Variants in OBI1 observed in about 807,000 individuals in gnomAD.
The protein encoded by OBI1 is ORC ubiquitin ligase 1, also known as ring finger protein 219.
Under a neutral mutation model 62.4 loss-of-function variants are expected in OBI1, and 59 were observed. The observed-to-expected ratio is 0.95, with a 90% confidence interval of 0.77 to 1.17. The LOEUF is 1.17. Among genes scored for constraint, OBI1 ranks in the 50% most tolerant of loss-of-function variants. The probability of loss-of-function intolerance (pLI) is 0.00; values close to 1 mark genes in which losing one functional copy is unlikely to be tolerated. For missense variants in OBI1, 875 were observed against 830.9 expected, an observed-to-expected ratio of 1.05 and a Z score of -0.65; for synonymous variants, 302 against 292.8, an observed-to-expected ratio of 1.03 and a Z score of -0.32.
In OBI1 at chr13:78,616,791, T is replaced by C. The variant is rs1482108286; in HGVS notation, c.970A>G (p.Ser324Gly). The change falls in exon 6 of 6, where the codon AGT becomes GGT. Residue 324 changes from serine to glycine, a missense_variant. By Grantham distance (56) the Ser-to-Gly change is moderately conservative. Coordinates refer to ENST00000282003, the MANE Select transcript of OBI1 (RefSeq NM_024546.4). ...KPSSSRLCDTSSARQESTSKA... is the reference protein window; with the variant it reads ...KPSSSRLCDTGSARQESTSKA... Reference sequence around the variant, plus strand: ...CTGGTACTTTCCTGCCTTGCAGAACTGGTGTCACACAGTCTGCTGCTGGAA... The same window carrying C: ...CTGGTACTTTCCTGCCTTGCAGAACCGGTGTCACACAGTCTGCTGCTGGAA... 2.5e-6 allele frequency: 4 copies of C among 1,614,210 alleles called. No individual in the cohort carries two copies. The highest frequency in any genetic ancestry group is 1.7e-5 in the Admixed American group (1 of 60,020).
At chr13:78,649,886 C>T (rs1876496750) in intron 1 of OBI1, among the ~76,000 whole-genome samples, 1 of 152,206 alleles carries the variant, frequency 6.6e-6, no homozygotes. Context: ...CCCACTATCT[C>T]AGCTGCTTAT....
In OBI1 at chr13:78,659,125, G is replaced by A. The variant is rs1399786063; in HGVS notation, c.-5C>T. 6.2e-6 allele frequency: 10 copies of A among 1,609,948 alleles called. No homozygotes were observed. In the East Asian group the frequency reaches 6.7e-5, roughly 11 times the overall value. ...ATTCTGCACGGTCTGAGCCATGGCAGCGTTCAGAATCCCGCCAACACGGAA... is the reference window on the plus strand; with the variant it reads ...ATTCTGCACGGTCTGAGCCATGGCAACGTTCAGAATCCCGCCAACACGGAA... On this transcript the variant is annotated 5_prime_UTR_variant, in exon 1 of 6. Transcript: ENST00000282003.
chr13:78,632,853 A>G lies in OBI1; in HGVS notation c.638+2257T>C, dbSNP rs1445044880. 2.0e-5 allele frequency among the ~76,000 whole-genome samples: 3 copies of G among 152,198 alleles called. No individual in the cohort carries two copies. The East Asian group carries it at 5.8e-4, about 29-fold the overall frequency. ...GGTTTTCAGCTCAAATCGCTTTTCAAGTGAACTTCCCCTGAAGGGAACCAA... is the reference window on the plus strand; with the variant it reads ...GGTTTTCAGCTCAAATCGCTTTTCAGGTGAACTTCCCCTGAAGGGAACCAA... On this transcript the variant is annotated intron_variant, in intron 5 of 5. Transcript: ENST00000282003.
At position 78,615,538 on chromosome 13, in the gene OBI1, T is replaced by C; in HGVS notation, c.*42A>G. On this transcript the variant is annotated 3_prime_UTR_variant, in exon 6 of 6. Transcript: ENST00000282003. ...AAAGGTAACTTTAACAACTTTTCTA[T>C]TTCTCTCAGGACAAAACCACAAATG... 7.0e-7 allele frequency: 1 copy of C among 1,432,258 alleles called. No homozygotes were observed. The allele number at this position is 1,432,258 out of a possible 1,614,324, so 88.7% of individuals were successfully genotyped here.
intron 1 of OBI1, among the ~76,000 whole-genome samples, chr13:78,646,726 A>T (rs1301456435): frequency 6.6e-6 from 1 of 152,218 alleles, no homozygotes; most frequent in Admixed American, 6.5e-5. Flanking sequence ...GCCTTAAAAG[A>T]ATCTACTGAG....
intron 4 of OBI1, among the ~76,000 whole-genome samples, chr13:78,637,751 T>G (rs537946340): frequency 5.3e-5 from 8 of 152,310 alleles, no homozygotes; most frequent in African/African-American, 1.9e-4. Flanking sequence ...TATAACAAAC[T>G]CAGTACAATT....
Position 78,616,109 on chromosome 13 carries a change from C to T in OBI1, c.1652G>A (p.Ser551Asn). Residue 551 changes from serine (S) to asparagine (N), a missense_variant, in exon 6 of 6, where the codon AGC (serine) becomes AAC (asparagine). Transcript: ENST00000282003. ...LDSMMSESDNSKSPCNNGFKS... is the reference protein window; with the variant it reads ...LDSMMSESDNNKSPCNNGFKS... ...AAAACCGTTATTACAAGGGCTCTTG[C>T]TGTTGTCTGACTCTGACATCATTGA... 6.2e-7 allele frequency: 1 copy of T among 1,614,118 alleles called. No individual in the cohort carries two copies. Among genetic ancestry groups the T allele is most frequent in the African/African-American group, 1.3e-5 (1 of 75,048 alleles).
At chr13:78,656,542 A>G (rs953368067) in intron 1 of OBI1, among the ~76,000 whole-genome samples, 5 of 151,720 alleles carry the variant, frequency 3.3e-5, no homozygotes, top group Non-Finnish European at 7.4e-5. Flanking sequence ...AGATCGCGCC[A>G]TTGCTCTCCA....
chr13:78,617,682 A>G (rs1875358985), intron 5 of OBI1, among the ~76,000 whole-genome samples: 1 of 152,124 alleles, frequency 6.6e-6, no homozygotes, highest in African/African-American at 2.4e-5. Context: ...GCCACCCTTG[A>G]TCTGAAGCTT....
chr13:78,624,689 C>A lies in OBI1; in HGVS notation c.639-7567G>T, dbSNP rs187103694. Reference sequence around the variant, plus strand: ...CTGAGTGTTGAACAGCATATGTGAACTGAAGAGGAACAGACAGCTCCCTTT... The same window carrying A: ...CTGAGTGTTGAACAGCATATGTGAAATGAAGAGGAACAGACAGCTCCCTTT... On this transcript the variant is annotated intron_variant, in intron 5 of 5. Transcript: ENST00000282003. Among the ~76,000 whole-genome samples the A allele has an allele frequency of 3.6e-3, 555 of 152,276 alleles. 6 individuals carry two copies. Among genetic ancestry groups the A allele is most frequent in the African/African-American group, 0.013 (525 of 41,552 alleles).
At chr13:78,634,960 A>C (rs1184372068) in intron 5 of OBI1, 150 bp downstream of exon 5, 1 of 506,676 alleles carries the variant, frequency 2.0e-6, no homozygotes, top group African/African-American at 2.0e-5. Context: ...TACCAACAAC[A>C]CGAAGTATAA....
At chr13:78,621,148 T>A (rs1875499301) in intron 5 of OBI1, among the ~76,000 whole-genome samples, 1 of 152,210 alleles carries the variant, frequency 6.6e-6, no homozygotes, top group South Asian at 2.1e-4. Context: ...GCTTTTGTGG[T>A]GTGGCCTATC....
intron 1 of OBI1, among the ~76,000 whole-genome samples, chr13:78,655,550 A>G (rs936224406): frequency 6.6e-6 from 1 of 152,164 alleles, no homozygotes; most frequent in Non-Finnish European, 1.5e-5. Flanking sequence ...TGCAAAGACA[A>G]AGCATTAACA....
rs1425706983 is a variant in OBI1, at chr13:78,634,022, C to A, written c.638+1088G>T. Among the ~76,000 whole-genome samples, 5 of 150,742 alleles carry A rather than the reference C, an allele frequency of 3.3e-5. No homozygotes were observed. The East Asian group carries it at 1.0e-3, about 31-fold the overall frequency. ...GGCGGAGCCTGCAGTGAGCCGAGATCGCGCCACTGCACTCCAGCCTGGGCG... is the reference window on the plus strand; with the variant it reads ...GGCGGAGCCTGCAGTGAGCCGAGATAGCGCCACTGCACTCCAGCCTGGGCG... On this transcript the variant is annotated intron_variant, in intron 5 of 5. Coordinates refer to ENST00000282003, the MANE Select transcript of OBI1 (RefSeq NM_024546.4).
intron 5 of OBI1, among the ~76,000 whole-genome samples, chr13:78,634,586 T>C (rs1186878229): frequency 2.6e-5 from 4 of 152,142 alleles, no homozygotes; most frequent in African/African-American, 9.7e-5. Context: ...CATGAGCCAC[T>C]GCGCCCCCTG....
intron 1 of OBI1, 147 bp from the exon 2 acceptor site, chr13:78,645,144 T>A: frequency 1.4e-6 from 1 of 699,588 alleles, no homozygotes; most frequent in East Asian, 2.7e-5. Flanking sequence ...ACACTGCTTC[T>A]GTTGGTCACT....
intron 1 of OBI1, among the ~76,000 whole-genome samples, chr13:78,647,596 T>C (rs1277494478): frequency 6.6e-6 from 1 of 152,252 alleles, no homozygotes; most frequent in East Asian, 1.9e-4. Context: ...CTTGCTGAGA[T>C]AGTAAAACAG....
chr13:78,648,127 T>C (rs1368506066), intron 1 of OBI1, among the ~76,000 whole-genome samples: 2 of 152,000 alleles, frequency 1.3e-5, no homozygotes, highest in Admixed American at 1.3e-4. Flanking sequence ...GCAGGTTCTA[T>C]TTTTTTTCTT....
intron 4 of OBI1, among the ~76,000 whole-genome samples, chr13:78,637,452 ATTC>A (rs1876063990): frequency 6.6e-6 from 1 of 152,206 alleles, no homozygotes; most frequent in Admixed American, 6.5e-5. Flanking sequence ...TGCTTTATGT[ATTC>A]TTCTTTAATA....
Sources: allele counts gnomAD v4.1 joint callset (sites outside exome capture counted in the v4.1 genomes callset), GRCh38; gene constraint gnomAD v4.1.1; transcripts MANE v1.5; gene names NCBI Gene and HGNC (gene_info 2026-07-23, HGNC 2026-07-21).